LARP1: variants seen among roughly 807,000 people sequenced by gnomAD.
LARP1 encodes the protein La ribonucleoprotein 1, translational regulator.
Under a neutral mutation model 122.7 loss-of-function variants are expected in LARP1, and 36 were observed. That is an observed-to-expected ratio of 0.29 (90% CI 0.22 to 0.39). LARP1 has a LOEUF of 0.39. Among genes scored for constraint, LARP1 ranks in the 10% least tolerant of loss-of-function variants. The probability of loss-of-function intolerance (pLI) is 1.00; values close to 1 mark genes in which losing one functional copy is unlikely to be tolerated. For missense variants in LARP1, 1,040 were observed against 1,403.6 expected (o/e 0.74, Z 4.14); for synonymous variants, 539 against 528.7 (o/e 1.02, Z -0.27).
At position 154,799,856 on chromosome 5, in the gene LARP1, C is replaced by A. The variant is rs1454882147; in HGVS notation, c.1547-17C>A. On this transcript the variant is annotated splice_polypyrimidine_tract_variant and intron_variant, in intron 9 of 18. Coordinates refer to ENST00000518297, the MANE Select transcript of LARP1 (RefSeq NM_033551.3). ...GGAGGACTGGAGGGATGAGGACTTCCCCTTTCCACCCTTTAGAGTCGGCAC... is the reference window on the plus strand; with the variant it reads ...GGAGGACTGGAGGGATGAGGACTTCACCTTTCCACCCTTTAGAGTCGGCAC... 6 of 1,612,312 alleles carry A rather than the reference C, an allele frequency of 3.7e-6. No homozygotes were observed. In the South Asian group the frequency reaches 6.6e-5, roughly 18 times the overall value.
intron 15 of LARP1, among the ~76,000 whole-genome samples, chr5:154,806,657 T>C (rs1425891472): frequency 6.6e-6 from 1 of 152,238 alleles, no homozygotes; most frequent in Non-Finnish European, 1.5e-5. Flanking sequence ...AGTATTCTGA[T>C]AGGTTGGCTG....
In LARP1 at chr5:154,783,518, T is replaced by C. The variant is rs78316054; in HGVS notation, c.437-6807T>C. Among the ~76,000 whole-genome samples the C allele has an allele frequency of 5.1e-3, 773 of 152,340 alleles. 2 individuals carry two copies. The highest frequency in any genetic ancestry group is 0.017 in the African/African-American group (724 of 41,574). Reference sequence around the variant, plus strand: ...TTGGCTACAATAAGGTTGTAACTTATACCCCTTAGCTTCTCTTCCACCTCC... The same window carrying C: ...TTGGCTACAATAAGGTTGTAACTTACACCCCTTAGCTTCTCTTCCACCTCC... On this transcript the variant is annotated intron_variant, in intron 1 of 18. Transcript: ENST00000518297.
At chr5:154,788,851 C>G (rs1214322701) in intron 1 of LARP1, among the ~76,000 whole-genome samples, 1 of 152,144 alleles carries the variant, frequency 6.6e-6, no homozygotes, top group Non-Finnish European at 1.5e-5. Context: ...ATAGTTCTTA[C>G]ATGTCGTTCT....
At chr5:154,757,671 T>TA (rs1263795045) in intron 1 of LARP1, among the ~76,000 whole-genome samples, 4 of 152,168 alleles carry the variant, frequency 2.6e-5, no homozygotes, top group African/African-American at 9.7e-5. Context: ...GAAGCCAGAA[T>TA]AGCCAGTCCT....
At chr5:154,779,051 A>C (rs1045857576) in intron 1 of LARP1, among the ~76,000 whole-genome samples, 2 of 152,184 alleles carry the variant, frequency 1.3e-5, no homozygotes, top group Admixed American at 1.3e-4. Flanking sequence ...TTTGGGCACC[A>C]GTCAGGTTCA....
chr5:154,684,747 T>C (rs919529924), intron 1 of LARP1, among the ~76,000 whole-genome samples: 1 of 152,122 alleles, frequency 6.6e-6, no homozygotes, highest in Non-Finnish European at 1.5e-5. Flanking sequence ...TTTTCATCTG[T>C]TCCATTGAAA....
chr5:154,684,411 G>A (rs958843927), intron 1 of LARP1, among the ~76,000 whole-genome samples: 3 of 152,080 alleles, frequency 2.0e-5, no homozygotes, highest in African/African-American at 7.2e-5. Flanking sequence ...ACTCTAGCCT[G>A]GGCAACACAG....
intron 8 of LARP1, among the ~76,000 whole-genome samples, chr5:154,798,220 T>C (rs1758047103): frequency 6.6e-6 from 1 of 152,238 alleles, no homozygotes; most frequent in Admixed American, 6.5e-5. Context: ...GGTATAGTCA[T>C]AGAAGTCTGA....
intron 1 of LARP1, among the ~76,000 whole-genome samples, chr5:154,720,429 CAG>C (rs1755792913): frequency 6.6e-6 from 1 of 152,028 alleles, no homozygotes; most frequent in Non-Finnish European, 1.5e-5. Flanking sequence ...AACTGGAAAA[CAG>C]AGGCTAGGTG....
chr5:154,729,050 A>C (rs1339363749), intron 1 of LARP1, among the ~76,000 whole-genome samples: 1 of 152,196 alleles, frequency 6.6e-6, no homozygotes. Context: ...TAGCTACCAG[A>C]TGCTGCTGGC....
At chr5:154,762,585 G>T (rs986959394) in intron 1 of LARP1, among the ~76,000 whole-genome samples, 4 of 152,180 alleles carry the variant, frequency 2.6e-5, no homozygotes, top group African/African-American at 9.7e-5. Context: ...GTGGGGAGGG[G>T]AGGATTGTGG....
At chr5:154,752,117 C>G (rs187073303), upstream of LARP1, among the ~76,000 whole-genome samples, 9 of 152,172 alleles carry the variant, frequency 5.9e-5, no homozygotes, top group African/African-American at 2.2e-4. Context: ...GCCCCAGTTT[C>G]ATTATTTTAA....
chr5:154,806,709 CTCAT>C (rs1758817173), intron 15 of LARP1, among the ~76,000 whole-genome samples: 1 of 152,176 alleles, frequency 6.6e-6, no homozygotes, highest in African/African-American at 2.4e-5. Context: ...TAGTTATTAA[CTCAT>C]TCATCCTCTT....
chr5:154,720,059 C>T (rs897994493), intron 1 of LARP1, among the ~76,000 whole-genome samples: 3 of 151,952 alleles, frequency 2.0e-5, no homozygotes, highest in African/African-American at 7.2e-5. Flanking sequence ...GGCGTGATGG[C>T]ATGTGCCTGT....
intron 1 of LARP1, among the ~76,000 whole-genome samples, chr5:154,738,839 T>C (rs1463243717): frequency 1.3e-5 from 2 of 152,094 alleles, no homozygotes; most frequent in African/African-American, 4.8e-5. Context: ...GGAGGATTTC[T>C]TGAGCCCAGG....
At chr5:154,719,543 A>G (rs1443032907) in intron 1 of LARP1, among the ~76,000 whole-genome samples, 4 of 152,240 alleles carry the variant, frequency 2.6e-5, no homozygotes, top group African/African-American at 9.6e-5. Flanking sequence ...TTATTAGTAC[A>G]TTAAAAATGA....
intron 1 of LARP1, among the ~76,000 whole-genome samples, chr5:154,771,227 A>C (rs1189876835): frequency 6.6e-6 from 1 of 152,088 alleles, no homozygotes; most frequent in East Asian, 1.9e-4. Flanking sequence ...AATCTGCCTC[A>C]TGGGTAGCTT....
At chr5:154,692,917 C>T (rs375113067) in intron 1 of LARP1, among the ~76,000 whole-genome samples, 5 of 152,096 alleles carry the variant, frequency 3.3e-5, no homozygotes, top group African/African-American at 1.2e-4. Flanking sequence ...TATATTTCCT[C>T]CCACCTCAGC....
At chr5:154,780,482 T>C (rs1756331592) in intron 1 of LARP1, among the ~76,000 whole-genome samples, 2 of 152,130 alleles carry the variant, frequency 1.3e-5, no homozygotes, top group Non-Finnish European at 2.9e-5. Flanking sequence ...CAGAGTGTAT[T>C]TTGTTGAGGA....
Sources: allele counts gnomAD v4.1 joint callset (sites outside exome capture counted in the v4.1 genomes callset), GRCh38; gene constraint gnomAD v4.1.1; transcripts MANE v1.5; gene names NCBI Gene and HGNC (gene_info 2026-07-23, HGNC 2026-07-21).